The following PAK5 variants were observed in gnomAD, a reference collection of about 807,000 sequenced individuals.
PAK5 encodes serine/threonine-protein kinase PAK 5.
PAK5 carries 16 observed loss-of-function variants against 65.9 expected under a neutral mutation model. The ratio of observed to expected loss-of-function variants is 0.24; its 90% CI spans 0.16 to 0.37. PAK5 has a LOEUF of 0.37. PAK5 is among the 10% of genes least tolerant of loss of function. The probability of loss-of-function intolerance (pLI) is 1.00; values close to 1 mark genes in which losing one functional copy is unlikely to be tolerated. For synonymous variants in PAK5, 371 were observed against 354.9 expected, an observed-to-expected ratio of 1.05 and a Z score of -0.51; for missense variants, 785 against 903.9, an observed-to-expected ratio of 0.87 and a Z score of 1.69.
At chr20:9,564,403 A>G (rs1311419156) in intron 5 of PAK5, among the ~76,000 whole-genome samples, 1 of 152,212 alleles carries the variant, frequency 6.6e-6, no homozygotes, top group Non-Finnish European at 1.5e-5. Context: ...CCTAATTGAA[A>G]ACTGTGTACA....
At chr20:9,568,388 A>G (rs904064531) in intron 4 of PAK5, among the ~76,000 whole-genome samples, 2 of 152,172 alleles carry the variant, frequency 1.3e-5, no homozygotes, top group African/African-American at 4.8e-5. Context: ...AAAGACAGGA[A>G]TCAAAGATGG....
At position 9,538,402 on chromosome 20, in the gene PAK5, AC is replaced by A. The variant is rs1321675805; in HGVS notation, c.*1059del. 4.3e-6 allele frequency: 1 copy of A among 233,548 alleles called. No homozygotes were observed. Among genetic ancestry groups the A allele is most frequent in the East Asian group, 6.0e-5 (1 of 16,566 alleles). The allele number at this position is 233,548 out of a possible 1,614,324, so 14.5% of individuals were successfully genotyped here. On this transcript the variant is annotated 3_prime_UTR_variant, in exon 10 of 10. Transcript: ENST00000353224. ...AGACAAGAGTTTGGTGTGCTAGCAT[AC>A]AGAGTTTTAAAAATGGTGACAAATG...
intron 1 of PAK5, among the ~76,000 whole-genome samples, chr20:9,744,398 A>C (rs1343827373): frequency 6.6e-6 from 1 of 152,186 alleles, no homozygotes; most frequent in African/African-American, 2.4e-5. Context: ...AACTGGCAAA[A>C]CTGGCTTGTG....
intron 3 of PAK5, among the ~76,000 whole-genome samples, chr20:9,591,917 T>G (rs113934540): frequency 6.6e-6 from 1 of 152,182 alleles, no homozygotes; most frequent in Non-Finnish European, 1.5e-5. Flanking sequence ...GTTAAGAAAC[T>G]TGTTAATCTG....
rs1369598235 is a variant in PAK5, at chr20:9,538,643, A to T, written c.*819T>A. The T allele has an allele frequency of 4.3e-6, 1 of 233,236 alleles. No homozygotes were observed. Among genetic ancestry groups the T allele is most frequent in the Admixed American group, 5.6e-5 (1 of 17,772 alleles). The allele number at this position is 233,236 out of a possible 1,614,324, so 14.4% of individuals were successfully genotyped here. On this transcript the variant is annotated 3_prime_UTR_variant, in exon 10 of 10. Coordinates refer to ENST00000353224, the MANE Select transcript of PAK5 (RefSeq NM_177990.4). ...GTGTGCAAAAGAATGGTTTGCTACT[A>T]GAGGCGTTCATGGAAAATGTGATCT...
intron 3 of PAK5, among the ~76,000 whole-genome samples, chr20:9,618,931 T>G (rs1457430217): frequency 1.8e-5 from 2 of 110,080 alleles, no homozygotes; most frequent in East Asian, 2.6e-4. Context: ...TTTTTTTTTT[T>G]TTTTTTTTTT....
At chr20:9,753,070 C>T (rs541791528) in intron 1 of PAK5, among the ~76,000 whole-genome samples, 1 of 152,142 alleles carries the variant, frequency 6.6e-6, no homozygotes, top group Non-Finnish European at 1.5e-5. Context: ...CAACCCCAAG[C>T]TGATCTCCAG....
chr20:9,672,224 A>C (rs2047509597), intron 2 of PAK5, among the ~76,000 whole-genome samples: 1 of 151,616 alleles, frequency 6.6e-6, no homozygotes, highest in East Asian at 1.9e-4. Flanking sequence ...TTATGCTTAC[A>C]TGACAATAAC....
At chr20:9,686,475 A>T (rs1377652374) in intron 2 of PAK5, among the ~76,000 whole-genome samples, 4 of 152,130 alleles carry the variant, frequency 2.6e-5, no homozygotes, top group Non-Finnish European at 5.9e-5. Context: ...AGCTCACTGC[A>T]GCCTTGACTT....
intron 2 of PAK5, among the ~76,000 whole-genome samples, chr20:9,646,077 G>A (rs2047130728): frequency 6.6e-6 from 1 of 152,138 alleles, no homozygotes; most frequent in Non-Finnish European, 1.5e-5. Flanking sequence ...ATTTGTTGAT[G>A]GACTAAAATC....
intron 2 of PAK5, among the ~76,000 whole-genome samples, chr20:9,655,581 T>A (rs1227086169): frequency 6.6e-6 from 1 of 152,222 alleles, no homozygotes; most frequent in Admixed American, 6.5e-5. Flanking sequence ...TTTTATTGAT[T>A]AACATTTACG....
rs2045210328 is a variant in PAK5 at position 9,538,789 on chromosome 20, C to A, written c.*673G>T. 4.3e-6 allele frequency: 1 copy of A among 233,254 alleles called. No individual in the cohort carries two copies. Among genetic ancestry groups the A allele is most frequent in the African/African-American group, 2.2e-5 (1 of 45,292 alleles). The allele number at this position is 233,254 out of a possible 1,614,324, so 14.4% of individuals were successfully genotyped here. A position where few individuals can be genotyped will look rare whatever the true frequency, so the allele number is the denominator to read the frequency against. On this transcript the variant is annotated 3_prime_UTR_variant, in exon 10 of 10. Transcript: ENST00000353224. Reference sequence around the variant, plus strand: ...ACCATCACTCTTAATTCTTCTTCCACCAAATAAGACACTTGTTAGGATAAG... The same window carrying A: ...ACCATCACTCTTAATTCTTCTTCCAACAAATAAGACACTTGTTAGGATAAG...
intron 1 of PAK5, among the ~76,000 whole-genome samples, chr20:9,714,190 G>T (rs2048113410): frequency 6.6e-6 from 1 of 152,046 alleles, no homozygotes; most frequent in Non-Finnish European, 1.5e-5. Context: ...TCTTCTGCAT[G>T]ATATTAATTA....
chr20:9,749,055 A>G (rs980439768), intron 1 of PAK5, among the ~76,000 whole-genome samples: 2 of 152,052 alleles, frequency 1.3e-5, no homozygotes, highest in African/African-American at 2.4e-5. Context: ...ATTGAAAAAC[A>G]TATTTTAGTT....
At chr20:9,665,911 C>A (rs1237591489) in intron 2 of PAK5, among the ~76,000 whole-genome samples, 2 of 152,092 alleles carry the variant, frequency 1.3e-5, no homozygotes, top group African/African-American at 4.8e-5. Flanking sequence ...TTAAGGATGG[C>A]AGAGCCTTTC....
Position 9,563,141 on chromosome 20 carries a change from T to G in PAK5, c.1483-117A>C, listed in dbSNP as rs549806936. 109 of 914,312 alleles carry G rather than the reference T, an allele frequency of 1.2e-4. 2 individuals carry two copies. In the African/African-American group the frequency reaches 1.6e-3, roughly 13 times the overall value. The allele number at this position is 914,312 out of a possible 1,614,324, so 56.6% of individuals were successfully genotyped here. On this transcript the variant is annotated intron_variant, in intron 5 of 9. Transcript: ENST00000353224. ...TGAGAGGTACTGATTGTGGGGAAGT[T>G]TATTCAGAAAATCTATTACAGACAA...
At chr20:9,736,793 C>T (rs914166175) in intron 1 of PAK5, among the ~76,000 whole-genome samples, 5 of 152,140 alleles carry the variant, frequency 3.3e-5, no homozygotes, top group Admixed American at 1.3e-4. Flanking sequence ...AGTCTGGTCT[C>T]CATGTTATTT....
At chr20:9,661,361 C>G (rs544539038) in intron 2 of PAK5, among the ~76,000 whole-genome samples, 13 of 152,256 alleles carry the variant, frequency 8.5e-5, no homozygotes, top group South Asian at 6.2e-4. Flanking sequence ...CCCAAAGAAG[C>G]TGAAGTTCCT....
At position 9,602,783 on chromosome 20, in the gene PAK5, T is replaced by C. The variant is rs2046384657; in HGVS notation, c.205-21853A>G. Among the ~76,000 whole-genome samples the C allele has an allele frequency of 2.0e-5, 3 of 152,320 alleles. No individual in the cohort carries two copies. The South Asian group carries it at 6.2e-4, about 32-fold the overall frequency. ...GTTCGGTTTCCTCTGAGGGAATAAT[T>C]AGAACTGAATCCAAGGATATTCCCC... is the stretch of plus-strand genomic sequence containing the variant. On this transcript the variant is annotated intron_variant, in intron 3 of 9. Transcript: ENST00000353224.
Sources: allele counts gnomAD v4.1 joint callset (sites outside exome capture counted in the v4.1 genomes callset), GRCh38; gene constraint gnomAD v4.1.1; transcripts MANE v1.5; gene names NCBI Gene and HGNC (gene_info 2026-07-23, HGNC 2026-07-21).